Variants in CLDN16 observed in about 807,000 individuals in gnomAD.
CLDN16 encodes claudin-16.
Under a neutral mutation model 24.6 loss-of-function variants are expected in CLDN16, and 13 were observed. The ratio of observed to expected loss-of-function variants is 0.53; its 90% CI spans 0.34 to 0.84. The LOEUF is 0.84. Ranked by LOEUF, CLDN16 falls within the 40% of genes least tolerant of loss-of-function variation. CLDN16 has a pLI of 0.01. For synonymous variants in CLDN16, 116 were observed against 106.7 expected, an observed-to-expected ratio of 1.09 and a Z score of -0.54; for missense variants, 298 against 292.7, an observed-to-expected ratio of 1.02 and a Z score of -0.13.
the CLDN16 span, among the ~76,000 whole-genome samples, chr3:190,302,779 A>T: frequency 1.2e-3 from 174 of 140,204 alleles, no homozygotes; most frequent in East Asian, 0.014. Flanking sequence ...CTCAAAAAAA[A>T]ATATATATAT....
At chr3:190,374,269 T>TTGTGTGTGTGTGTGTGTGTGTGTG (rs3220823) in intron 2 of CLDN16, among the ~76,000 whole-genome samples, 3 of 139,300 alleles carry the variant, frequency 2.2e-5, no homozygotes, top group African/African-American at 8.1e-5. Context: ...CTGAAAAACA[T>TTGTGTGTGTGTGTGTGTGTGTGTG]TGTGTGTGTG....
In CLDN16 at chr3:190,404,781, A is replaced by C; in HGVS notation, c.237A>C (p.Arg79=). The C allele has an allele frequency of 6.2e-7, 1 of 1,613,992 alleles. No homozygotes were observed. The highest frequency in any genetic ancestry group is 8.5e-7 in the Non-Finnish European group (1 of 1,180,002). ...TTCCAGTGAAGCTGGTGGTAACTCG[A>C]GCGTTGATGATTACTGCAGATATTC... ...AEHPLKLVVT[R]ALMITADILA... The change falls in exon 3 of 5, where the codon CGA becomes CGC. Residue 79 remains arginine (R), a synonymous_variant. Transcript: ENST00000264734.
intron 1 of CLDN16, among the ~76,000 whole-genome samples, chr3:190,363,872 C>T (rs1005841728): frequency 4.0e-5 from 6 of 151,678 alleles, no homozygotes; most frequent in Admixed American, 1.3e-4. Context: ...AATCTTCCTC[C>T]AGACTTCTGA....
intron 1 of CLDN16, 123 bp downstream of exon 1, chr3:190,388,566 G>A: frequency 1.2e-6 from 1 of 820,948 alleles, no homozygotes; most frequent in Non-Finnish European, 2.1e-6. Flanking sequence ...AGGCAACATG[G>A]ACTATTTATT....
intron 1 of CLDN16, among the ~76,000 whole-genome samples, chr3:190,357,879 T>C (rs1717810020): frequency 6.6e-6 from 1 of 152,006 alleles, no homozygotes; most frequent in Non-Finnish European, 1.5e-5. Flanking sequence ...TGGTCCTTGT[T>C]ACACGTTAAT....
chr3:190,299,271 C>CT, the CLDN16 span, among the ~76,000 whole-genome samples: 4 of 151,612 alleles, frequency 2.6e-5, no homozygotes, highest in African/African-American at 9.7e-5. Context: ...ATGAATTTAG[C>CT]TTTTTTTTCC....
At chr3:190,332,489 G>T (rs1717203361) in intron 1 of CLDN16, among the ~76,000 whole-genome samples, 1 of 152,126 alleles carries the variant, frequency 6.6e-6, no homozygotes. Context: ...AATCTTAATT[G>T]GGAAAATGGG....
At chr3:190,359,504 G>C (rs73889973) in intron 1 of CLDN16, among the ~76,000 whole-genome samples, 5,409 of 152,008 alleles carry the variant, frequency 0.036, 248 homozygotes, top group African/African-American at 0.098. Context: ...TTCATTTTTT[G>C]ATGTTTCTTA....
chr3:190,378,130 A>G (rs1718283961), intron 3 of CLDN16, among the ~76,000 whole-genome samples: 1 of 152,028 alleles, frequency 6.6e-6, no homozygotes, highest in Admixed American at 6.6e-5. Context: ...CATTAAACAC[A>G]TGCTTATAAT....
intron 1 of CLDN16, among the ~76,000 whole-genome samples, chr3:190,366,148 G>A (rs891286449): frequency 6.6e-6 from 1 of 152,070 alleles, no homozygotes; most frequent in South Asian, 2.1e-4. Flanking sequence ...TGTGGGAAAT[G>A]AGAGTATTTT....
chr3:190,404,681 C>G, intron 2 of CLDN16, 81 bp from the exon 3 acceptor site: 2 of 1,394,504 alleles, frequency 1.4e-6, no homozygotes, highest in Non-Finnish European at 2.0e-6. Flanking sequence ...ACCTACTTGT[C>G]TGTTTTTTTT....
intron 1 of CLDN16, among the ~76,000 whole-genome samples, chr3:190,339,680 A>G (rs1482927520): frequency 6.6e-6 from 1 of 152,224 alleles, no homozygotes; most frequent in Admixed American, 6.5e-5. Context: ...CAAGAATTGA[A>G]ACCACATATA....
chr3:190,307,919 A>G, the CLDN16 span: 1 of 179,046 alleles, frequency 5.6e-6, no homozygotes, highest in African/African-American at 2.4e-5. Context: ...GTATGCTAGT[A>G]TCAACATAAT....
At position 190,322,595 on chromosome 3, in the gene CLDN16, C is replaced by G. The variant is rs16865344; in HGVS notation, n.55C>G. On this transcript the variant is annotated non_coding_transcript_exon_variant, in exon 1 of 5. Coordinates refer to the CLDN16 transcript ENST00000468220. ...AACGCGCGGCTGGCGGCGTGGGGAC[C>G]ACCCGGCAGGACCAGGCACCAGAGC... The G allele has an allele frequency of 4.4e-3, 1,343 of 308,090 alleles. 13 individuals carry two copies. Among genetic ancestry groups the G allele is most frequent in the African/African-American group, 0.023 (1,023 of 43,658 alleles). The allele number at this position is 308,090 out of a possible 1,614,324, so 19.1% of individuals were successfully genotyped here.
intron 1 of CLDN16, among the ~76,000 whole-genome samples, chr3:190,324,895 A>G (rs1317521502): frequency 1.3e-5 from 2 of 152,196 alleles, no homozygotes; most frequent in East Asian, 1.9e-4. Flanking sequence ...TGAAACATAA[A>G]CAGTAAAGGC....
At chr3:190,392,747 G>A (rs142315106) in intron 1 of CLDN16, among the ~76,000 whole-genome samples, 35 of 152,254 alleles carry the variant, frequency 2.3e-4, no homozygotes, top group East Asian at 9.7e-4. Flanking sequence ...GTACAAGAGC[G>A]TTGTATGTTT....
chr3:190,407,494 G>A (rs150589083), intron 3 of CLDN16, among the ~76,000 whole-genome samples: 1 of 152,262 alleles, frequency 6.6e-6, no homozygotes, highest in Non-Finnish European at 1.5e-5. Flanking sequence ...AGCATGTGGA[G>A]AGTACATATT....
chr3:190,390,372 A>G (rs1718618537), intron 1 of CLDN16, among the ~76,000 whole-genome samples: 2 of 152,182 alleles, frequency 1.3e-5, no homozygotes, highest in African/African-American at 4.8e-5. Context: ...CATCTCTAAC[A>G]AAAATACAAA....
upstream of CLDN16, among the ~76,000 whole-genome samples, chr3:190,319,007 C>A (rs1228500904): frequency 6.6e-6 from 1 of 152,102 alleles, no homozygotes; most frequent in African/African-American, 2.4e-5. Flanking sequence ...TCTAGCCTAA[C>A]CTCCCATTTG....
Sources: gnomAD v4.1 joint callset for allele counts (sites outside exome capture counted in the v4.1 genomes callset) on GRCh38, gnomAD v4.1.1 for gene constraint, MANE v1.5 for transcripts, NCBI Gene and HGNC (gene_info 2026-07-23, HGNC 2026-07-21) for gene names.